PPP4R2: variants seen among roughly 807,000 people sequenced by gnomAD.
The protein encoded by PPP4R2 is protein phosphatase 4 regulatory subunit 2, also known as serine/threonine-protein phosphatase 4 regulatory subunit 2.
Under a neutral mutation model 47.2 loss-of-function variants are expected in PPP4R2, and 13 were observed. The ratio of observed to expected loss-of-function variants is 0.28; its 90% CI spans 0.18 to 0.44. The LOEUF (loss-of-function observed/expected upper bound fraction) is 0.44, where lower values mean the gene tolerates loss of function less well. Among genes scored for constraint, PPP4R2 ranks in the 20% least tolerant of loss-of-function variants. PPP4R2 has a pLI of 1.00. For synonymous variants in PPP4R2, 151 were observed against 163.3 expected (o/e 0.92, Z 0.57); for missense variants, 421 against 491.2 (o/e 0.86, Z 1.35).
intron 2 of PPP4R2, chr3:73,015,027 A>G (rs1398161910): frequency 6.5e-6 from 4 of 618,386 alleles, no homozygotes; most frequent in African/African-American, 3.7e-5. Context: ...CTCGAAATAT[A>G]CTCCTGGCCT....
intron 5 of PPP4R2, chr3:73,061,622 A>AT (rs1702859654): frequency 5.8e-6 from 1 of 171,534 alleles, no homozygotes; most frequent in Non-Finnish European, 1.2e-5. Flanking sequence ...CCCTCTCCAA[A>AT]TATCTTTAGA....
intron 3 of PPP4R2, among the ~76,000 whole-genome samples, chr3:73,054,368 C>T (rs1702685889): frequency 6.6e-6 from 1 of 152,184 alleles, no homozygotes; most frequent in Middle Eastern, 3.2e-3. Flanking sequence ...AAAGAACATA[C>T]TGCTTCAAGT....
At chr3:73,028,587 C>A (rs371772701) in intron 2 of PPP4R2, among the ~76,000 whole-genome samples, 1 of 151,762 alleles carries the variant, frequency 6.6e-6, no homozygotes, top group South Asian at 2.1e-4. Flanking sequence ...ACTACAGATG[C>A]GCGCCACCAT....
At chr3:73,054,994 G>A (rs1702699959) in intron 3 of PPP4R2, among the ~76,000 whole-genome samples, 2 of 152,066 alleles carry the variant, frequency 1.3e-5, no homozygotes, top group Non-Finnish European at 2.9e-5. Context: ...GCTTTTAGGT[G>A]TACAAGACTT....
rs947588174 is a variant in PPP4R2 at position 73,066,510 on chromosome 3, GAAAA to G, written c.*790_*793del. The G allele has an allele frequency of 1.3e-5, 2 of 151,942 alleles. No individual in the cohort carries two copies. The highest frequency in any genetic ancestry group is 4.8e-5 in the African/African-American group (2 of 41,390). 9.4% of individuals were successfully genotyped at this position (151,942 alleles called of 1,614,324 possible). On this transcript the variant is annotated 3_prime_UTR_variant, in exon 9 of 9. Coordinates refer to ENST00000356692, the MANE Select transcript of PPP4R2 (RefSeq NM_174907.4). ...TTTTGTATACTTCTGAGGTGCCTGA[GAAAA>G]AGACTTCATTATTTATGAGAAAATA...
intron 3 of PPP4R2, among the ~76,000 whole-genome samples, chr3:73,051,545 T>C (rs963690561): frequency 6.6e-6 from 1 of 152,212 alleles, no homozygotes. Context: ...AGTTTTATAT[T>C]AAATGCTTCC....
chr3:73,018,638 C>G (rs868629883), intron 2 of PPP4R2, among the ~76,000 whole-genome samples: 11 of 152,076 alleles, frequency 7.2e-5, no homozygotes, highest in Middle Eastern at 3.4e-3. Context: ...CCTTTCCAGT[C>G]TTCTCTTTCC....
chr3:73,021,846 A>G (rs9814067), intron 2 of PPP4R2, among the ~76,000 whole-genome samples: 2,045 of 120,838 alleles, frequency 0.017, 44 homozygotes, highest in Admixed American at 0.048. Context: ...TTACATTTCT[A>G]TATGTGTGTG....
At chr3:73,025,043 T>C (rs1475671157) in intron 2 of PPP4R2, among the ~76,000 whole-genome samples, 2 of 152,090 alleles carry the variant, frequency 1.3e-5, no homozygotes, top group Non-Finnish European at 1.5e-5. Flanking sequence ...TTTCACATTT[T>C]TGGAGGAAAA....
rs763794332 is a variant in PPP4R2, at chr3:73,064,168, AAAC to A, written c.638+24_638+26del. 16 of 1,583,912 alleles carry A rather than the reference AAAC, an allele frequency of 1.0e-5. No homozygotes were observed. The South Asian group carries it at 1.7e-4, about 17-fold the overall frequency. On this transcript the variant is annotated intron_variant, in intron 7 of 8. Coordinates refer to ENST00000356692, the MANE Select transcript of PPP4R2 (RefSeq NM_174907.4). ...ACAGGTTTGTATGTTTTATATTTAA[AAAC>A]AGTGTTTTTATTAAAAGTTAAAGTT...
At chr3:73,037,601 TA>T (rs1702290884) in intron 2 of PPP4R2, among the ~76,000 whole-genome samples, 1 of 152,218 alleles carries the variant, frequency 6.6e-6, no homozygotes, top group Non-Finnish European at 1.5e-5. Flanking sequence ...CATCACAAGC[TA>T]AAACCCTTTG....
chr3:73,018,465 A>ATGTTATGTTTGTTAT (rs1295553516), intron 2 of PPP4R2, among the ~76,000 whole-genome samples: 1 of 88,856 alleles, frequency 1.1e-5, no homozygotes, highest in Admixed American at 1.1e-4. Flanking sequence ...ATGTTATGTT[A>ATGTTATGTTTGTTAT]GTATCCGAAA....
intron 3 of PPP4R2, among the ~76,000 whole-genome samples, chr3:73,057,923 A>AT (rs1702758227): frequency 6.6e-6 from 1 of 152,100 alleles, no homozygotes; most frequent in Non-Finnish European, 1.5e-5. Flanking sequence ...TTAACTATTA[A>AT]TTTGAGGCTT....
At chr3:73,026,410 T>C (rs1186565212) in intron 2 of PPP4R2, among the ~76,000 whole-genome samples, 1 of 152,166 alleles carries the variant, frequency 6.6e-6, no homozygotes, top group East Asian at 1.9e-4. Flanking sequence ...TCATCTCTTC[T>C]AGAAAACCTC....
intron 2 of PPP4R2, among the ~76,000 whole-genome samples, chr3:73,030,976 A>T (rs901287486): frequency 1.3e-5 from 2 of 152,052 alleles, no homozygotes; most frequent in African/African-American, 4.8e-5. Flanking sequence ...TGCTGGGGTT[A>T]CATGTGTGAG....
intron 3 of PPP4R2, among the ~76,000 whole-genome samples, chr3:73,052,718 C>G (rs1465975513): frequency 1.3e-5 from 2 of 152,280 alleles, no homozygotes; most frequent in East Asian, 3.9e-4. Context: ...TTGACCCTTT[C>G]TTGTCATTGC....
chr3:73,013,609 T>C (rs1397884404), intron 2 of PPP4R2, among the ~76,000 whole-genome samples: 2 of 152,070 alleles, frequency 1.3e-5, no homozygotes, highest in Non-Finnish European at 2.9e-5. Flanking sequence ...AGTTTGCCTT[T>C]TGTTATTTTC....
intron 2 of PPP4R2, among the ~76,000 whole-genome samples, chr3:73,002,439 G>A (rs540410509): frequency 1.3e-5 from 2 of 151,652 alleles, no homozygotes; most frequent in Admixed American, 1.3e-4. Context: ...AATTTTTTTT[G>A]TAGAGACAAA....
At chr3:73,015,677 G>T (rs1245916368) in intron 2 of PPP4R2, 3 of 195,690 alleles carry the variant, frequency 1.5e-5, no homozygotes, top group Non-Finnish European at 3.2e-5. Flanking sequence ...TCGCTGTGTC[G>T]CCCAGACTGG....
Sources: allele counts gnomAD v4.1 joint callset (sites outside exome capture counted in the v4.1 genomes callset), GRCh38; gene constraint gnomAD v4.1.1; transcripts MANE v1.5; gene names NCBI Gene and HGNC (gene_info 2026-07-23, HGNC 2026-07-21).